Variants in STPG2 observed in about 807,000 individuals in gnomAD.
The protein encoded by STPG2 is sperm-tail PG-rich repeat-containing protein 2.
STPG2 carries 56 observed loss-of-function variants against 54.2 expected under a neutral mutation model. That is an observed-to-expected ratio of 1.03 (90% CI 0.83 to 1.29). The LOEUF (loss-of-function observed/expected upper bound fraction) is 1.29. Ranked by LOEUF, STPG2 falls within the 50% of genes most tolerant of loss-of-function variation. STPG2 has a pLI of 0.00. For missense variants in STPG2, 596 were observed against 544.9 expected (o/e 1.09, Z -0.93); for synonymous variants, 200 against 181.8 (o/e 1.10, Z -0.81).
chr4:98,042,114 G>A (rs925759079), intron 5 of STPG2, among the ~76,000 whole-genome samples: 5 of 151,650 alleles, frequency 3.3e-5, no homozygotes, highest in African/African-American at 4.8e-5. Context: ...CTAAGTGTGT[G>A]GGCATATCGT....
chr4:97,846,416 G>T (rs1560551673), intron 8 of STPG2, among the ~76,000 whole-genome samples: 2 of 151,956 alleles, frequency 1.3e-5, no homozygotes, highest in Non-Finnish European at 2.9e-5. Context: ...CACGAGATCA[G>T]GAGTTCGAGA....
intron 10 of STPG2, among the ~76,000 whole-genome samples, chr4:97,560,389 C>A (rs1732194539): frequency 6.6e-6 from 1 of 152,072 alleles, no homozygotes. Context: ...CTAGAAGTGT[C>A]TAGACAAGGG....
intron 8 of STPG2, among the ~76,000 whole-genome samples, chr4:97,845,983 T>C (rs1000312386): frequency 6.6e-6 from 1 of 152,172 alleles, no homozygotes; most frequent in Non-Finnish European, 1.5e-5. Flanking sequence ...TATGAGAGAA[T>C]AAAGGCTGAG....
intron 10 of STPG2, among the ~76,000 whole-genome samples, chr4:97,679,143 T>A (rs1450400982): frequency 6.6e-6 from 1 of 152,166 alleles, no homozygotes; most frequent in African/African-American, 2.4e-5. Context: ...ATATACCCAG[T>A]AATGGGATGT....
intron 5 of STPG2, among the ~76,000 whole-genome samples, chr4:98,088,538 T>A (rs1738593644): frequency 1.3e-5 from 2 of 151,964 alleles, no homozygotes; most frequent in Non-Finnish European, 2.9e-5. Flanking sequence ...TAAATAATAA[T>A]AATTCAATTA....
chr4:97,930,336 CTT>C (rs1329050791), intron 8 of STPG2, among the ~76,000 whole-genome samples: 2 of 152,200 alleles, frequency 1.3e-5, no homozygotes, highest in Non-Finnish European at 2.9e-5. Flanking sequence ...CTTTAATCAT[CTT>C]GAGTTGTTTT....
At chr4:97,897,701 T>C (rs1029832564) in intron 8 of STPG2, among the ~76,000 whole-genome samples, 2 of 152,164 alleles carry the variant, frequency 1.3e-5, no homozygotes, top group Non-Finnish European at 2.9e-5. Context: ...TGCATGTATG[T>C]CTTCTTTTGA....
At chr4:97,851,922 T>C (rs1382999976) in intron 8 of STPG2, among the ~76,000 whole-genome samples, 1 of 152,252 alleles carries the variant, frequency 6.6e-6, no homozygotes, top group African/African-American at 2.4e-5. Flanking sequence ...CTAATGCTAC[T>C]GAGGCAGAGA....
intron 8 of STPG2, among the ~76,000 whole-genome samples, chr4:97,904,817 G>C (rs1047821941): frequency 6.6e-6 from 1 of 152,288 alleles, no homozygotes; most frequent in East Asian, 1.9e-4. Context: ...AATGCAGAAG[G>C]CTCAGAAGCC....
chr4:98,070,059 A>AC (rs1737953930), intron 5 of STPG2, among the ~76,000 whole-genome samples: 1 of 152,054 alleles, frequency 6.6e-6, no homozygotes, highest in Non-Finnish European at 1.5e-5. Flanking sequence ...TCCTGACACG[A>AC]AAACCTGGCA....
chr4:97,739,100 C>A (rs1725126624), intron 9 of STPG2, among the ~76,000 whole-genome samples: 1 of 152,116 alleles, frequency 6.6e-6, no homozygotes, highest in South Asian at 2.1e-4. Flanking sequence ...GAACAACCTG[C>A]TCCTGAATGA....
rs184918428 is a variant in STPG2 at position 97,548,138 on chromosome 4, G to T, written c.462+164561C>A. ...GCACTCCAGCCTGGGCAACAAGAGT[G>T]AAACTCTGTCTCAAAACAAAACAAA... is the stretch of plus-strand genomic sequence containing the variant. On this transcript the variant is annotated intron_variant, in intron 4 of 4. Transcript: ENST00000522676. 8.7e-3 allele frequency among the ~76,000 whole-genome samples: 1,287 copies of T among 148,674 alleles called. 9 individuals carry two copies. Among genetic ancestry groups the T allele is most frequent in the Non-Finnish European group, 0.014 (947 of 67,092 alleles).
chr4:97,594,275 A>C (rs1733223785), intron 10 of STPG2, among the ~76,000 whole-genome samples: 1 of 152,216 alleles, frequency 6.6e-6, no homozygotes, highest in African/African-American at 2.4e-5. Flanking sequence ...GCAGGAGATG[A>C]AACACAAAAT....
intron 10 of STPG2, among the ~76,000 whole-genome samples, chr4:97,599,385 C>A (rs1043862375): frequency 1.1e-4 from 16 of 152,204 alleles, no homozygotes; most frequent in Admixed American, 9.2e-4. Context: ...ACTCAGCAAT[C>A]CCATTATTGG....
At chr4:97,452,114 G>GCCACACCCCC (rs1729386507) in intron 4 of STPG2, among the ~76,000 whole-genome samples, 1 of 17,014 alleles carries the variant, frequency 5.9e-5, no homozygotes, top group Non-Finnish European at 1.0e-4. Flanking sequence ...CAGGAGCCCC[G>GCCACACCCCC]CCCCCACCCC....
chr4:98,039,700 C>G (rs533021306), intron 5 of STPG2, among the ~76,000 whole-genome samples: 1 of 96,250 alleles, frequency 1.0e-5, no homozygotes, highest in East Asian at 2.6e-4. Context: ...ATATATATAT[C>G]TCACATTTTC....
chr4:97,598,708 T>C (rs1396037166), intron 10 of STPG2, among the ~76,000 whole-genome samples: 2 of 152,172 alleles, frequency 1.3e-5, no homozygotes, highest in African/African-American at 2.4e-5. Context: ...CTGGGATAAC[T>C]GACTAGCCAT....
intron 10 of STPG2, among the ~76,000 whole-genome samples, chr4:97,684,536 G>T (rs1039175114): frequency 6.6e-6 from 1 of 151,738 alleles, no homozygotes; most frequent in Non-Finnish European, 1.5e-5. Context: ...ACATTCACAC[G>T]CAAAAAATAA....
At chr4:97,932,116 G>C (rs1267986613) in intron 8 of STPG2, among the ~76,000 whole-genome samples, 1 of 151,992 alleles carries the variant, frequency 6.6e-6, no homozygotes, top group South Asian at 2.1e-4. Flanking sequence ...AATTGTGTTA[G>C]TTTGAATATT....
Sources: gnomAD v4.1 joint callset for allele counts (sites outside exome capture counted in the v4.1 genomes callset) on GRCh38, gnomAD v4.1.1 for gene constraint, MANE v1.5 for transcripts, NCBI Gene and HGNC (gene_info 2026-07-23, HGNC 2026-07-21) for gene names.